Variants in CAPZB observed in about 807,000 individuals in gnomAD.
CAPZB encodes F-actin-capping protein subunit beta.
In CAPZB, 2 loss-of-function variants were observed where a neutral mutation model predicts 38.1. The observed-to-expected ratio is 0.05, with a 90% confidence interval of 0.02 to 0.17. The LOEUF (loss-of-function observed/expected upper bound fraction) is 0.17, where lower values mean the gene tolerates loss of function less well. Ranked by LOEUF, CAPZB falls within the 10% of genes least tolerant of loss-of-function variation. The pLI, the probability that CAPZB is intolerant of heterozygous loss-of-function variation, is 1.00. For missense variants in CAPZB, 161 were observed against 334.2 expected (o/e 0.48, Z 4.04); for synonymous variants, 107 against 127.4 (o/e 0.84, Z 1.08).
intron 1 of CAPZB, among the ~76,000 whole-genome samples, chr1:19,432,615 T>C (rs957863588): frequency 6.6e-6 from 1 of 152,256 alleles, no homozygotes; most frequent in African/African-American, 2.4e-5. Flanking sequence ...GGCCAGGCGC[T>C]GCACCCTGTG....
Position 19,445,843 on chromosome 1 carries a change from G to T in CAPZB, c.4-26093C>A, listed in dbSNP as rs147678129. On this transcript the variant is annotated intron_variant, in intron 1 of 8. Coordinates refer to ENST00000264202, the MANE Select transcript of CAPZB (RefSeq NM_004930.5). ...AACCGCACTGTACACTTAAAGCTGG[G>T]GAATCTTATATGTAAATCAGATCTC... Among the ~76,000 whole-genome samples, 24 of 152,218 alleles carry T rather than the reference G, an allele frequency of 1.6e-4. 1 individual carries two copies. Among genetic ancestry groups the T allele is most frequent in the African/African-American group, 5.5e-4 (23 of 41,526 alleles).
intron 4 of CAPZB, among the ~76,000 whole-genome samples, chr1:19,359,864 G>A (rs1055842446): frequency 6.6e-6 from 1 of 152,224 alleles, no homozygotes; most frequent in African/African-American, 2.4e-5. Context: ...GGCACTCAGA[G>A]ATCCCACTCC....
intron 1 of CAPZB, among the ~76,000 whole-genome samples, chr1:19,440,612 G>A (rs561890452): frequency 1.2e-4 from 18 of 152,188 alleles, no homozygotes; most frequent in African/African-American, 4.3e-4. Context: ...CCAGTGTGGG[G>A]GGAAGGGACT....
intron 4 of CAPZB, among the ~76,000 whole-genome samples, chr1:19,369,229 G>A (rs2094107392): frequency 6.6e-6 from 1 of 152,254 alleles, no homozygotes; most frequent in Non-Finnish European, 1.5e-5. Context: ...CCCCAGGACA[G>A]GGGGCAACAT....
intron 1 of CAPZB, among the ~76,000 whole-genome samples, chr1:19,446,685 C>G (rs1231981316): frequency 6.6e-6 from 1 of 152,134 alleles, no homozygotes; most frequent in Non-Finnish European, 1.5e-5. Context: ...CTGTGTAACC[C>G]TTACAATTGC....
At chr1:19,448,961 G>T (rs1314594748) in intron 1 of CAPZB, 1 of 1,610,708 alleles carries the variant, frequency 6.2e-7, no homozygotes, top group Non-Finnish European at 8.5e-7. Context: ...GGCAGGGGAG[G>T]CGAGGGGGCA....
At position 19,455,059 on chromosome 1, in the gene CAPZB, G is replaced by A. The variant is rs556959170; in HGVS notation, c.3+30377C>T. On this transcript the variant is annotated intron_variant, in intron 1 of 8. Transcript: ENST00000264202. ...CAAGCAGCCAGGATGCGGAGGGCCC[G>A]GAGGGCTTGGAACCCTGCAGGCAGC... Among the ~76,000 whole-genome samples, 24 of 152,358 alleles carry A rather than the reference G, an allele frequency of 1.6e-4. No homozygotes were observed. The East Asian group carries it at 3.1e-3, about 20-fold the overall frequency.
intron 1 of CAPZB, among the ~76,000 whole-genome samples, chr1:19,451,823 T>A (rs1355348742): frequency 6.6e-6 from 1 of 152,050 alleles, no homozygotes; most frequent in Admixed American, 6.6e-5. Flanking sequence ...CCGAACTAGG[T>A]TTGCCCCACC....
intron 1 of CAPZB, among the ~76,000 whole-genome samples, chr1:19,428,691 C>T (rs1352917446): frequency 3.9e-5 from 6 of 152,132 alleles, no homozygotes; most frequent in African/African-American, 1.4e-4. Flanking sequence ...CAGATAGAGG[C>T]AAAATCCGCA....
intron 2 of CAPZB, among the ~76,000 whole-genome samples, chr1:19,397,956 C>T (rs1045997182): frequency 1.3e-5 from 2 of 152,228 alleles, no homozygotes; most frequent in East Asian, 3.9e-4. Flanking sequence ...CCAACAGCAT[C>T]GGGGTCTGTG....
intron 1 of CAPZB, among the ~76,000 whole-genome samples, chr1:19,480,927 A>AGCT (rs2094626119): frequency 2.0e-5 from 3 of 152,242 alleles, no homozygotes; most frequent in African/African-American, 7.2e-5. Context: ...GACAGGGACT[A>AGCT]ACCATACACC....
intron 1 of CAPZB, among the ~76,000 whole-genome samples, chr1:19,460,061 T>A (rs2094545784): frequency 6.6e-6 from 1 of 152,118 alleles, no homozygotes. Context: ...GTTCTTGATC[T>A]AATAAGGAAC....
intron 1 of CAPZB, among the ~76,000 whole-genome samples, chr1:19,464,477 G>C (rs2094562708): frequency 6.6e-6 from 1 of 151,802 alleles, no homozygotes; most frequent in African/African-American, 2.4e-5. Context: ...ATTTCTAGTA[G>C]AGACGGGGTT....
chr1:19,420,380 C>G (rs1039741241), intron 1 of CAPZB, among the ~76,000 whole-genome samples: 58 of 152,200 alleles, frequency 3.8e-4, no homozygotes, highest in African/African-American at 1.3e-3. Flanking sequence ...ACTGGAAAGA[C>G]AACCATTACT....
At chr1:19,448,919 G>A in intron 1 of CAPZB, 1 of 1,612,926 alleles carries the variant, frequency 6.2e-7, no homozygotes, top group Non-Finnish European at 8.5e-7. Context: ...GGGCATTGGA[G>A]GAGGTGATGG....
At chr1:19,385,272 G>T (rs918669904) in intron 3 of CAPZB, among the ~76,000 whole-genome samples, 6 of 152,328 alleles carry the variant, frequency 3.9e-5, no homozygotes, top group Admixed American at 3.9e-4. Flanking sequence ...TATCTCTCAT[G>T]CTTGTGGGTG....
In CAPZB at chr1:19,351,818, A is replaced by G. The variant is rs117468957; in HGVS notation, c.588+4817T>C. Among the ~76,000 whole-genome samples, 1,451 of 152,190 alleles carry G rather than the reference A, an allele frequency of 9.5e-3. 52 individuals are homozygous for G. In the East Asian group the frequency reaches 0.13, roughly 14 times the overall value. ...GGCTCAGAAAACCTGAGCAGGGTCCATCCCTGCCTCAGCCGCCTCCTGCCA... is the reference window on the plus strand; with the variant it reads ...GGCTCAGAAAACCTGAGCAGGGTCCGTCCCTGCCTCAGCCGCCTCCTGCCA... On this transcript the variant is annotated intron_variant, in intron 6 of 8. Transcript: ENST00000264202.
Position 19,344,346 on chromosome 1 carries a change from C to T in CAPZB, c.731+12G>A. 1.9e-6 allele frequency: 3 copies of T among 1,605,046 alleles called. No individual in the cohort carries two copies. Among genetic ancestry groups the T allele is most frequent in the South Asian group, 1.1e-5 (1 of 90,902 alleles). On this transcript the variant is annotated intron_variant, in intron 8 of 8. Coordinates refer to ENST00000264202, the MANE Select transcript of CAPZB (RefSeq NM_004930.5). ...TGTCTGCTTCTAAAGCTTGTGCTTT[C>T]TGGTACATTACCTCAGCCCATTGAC... is the stretch of plus-strand genomic sequence containing the variant.
chr1:19,359,870 A>G (rs1048934706), intron 4 of CAPZB, among the ~76,000 whole-genome samples: 2 of 152,100 alleles, frequency 1.3e-5, no homozygotes, highest in African/African-American at 4.8e-5. Context: ...CAGAGATCCC[A>G]CTCCAGAAGA....
Sources: gnomAD v4.1 joint callset for allele counts (sites outside exome capture counted in the v4.1 genomes callset) on GRCh38, gnomAD v4.1.1 for gene constraint, MANE v1.5 for transcripts, NCBI Gene and HGNC (gene_info 2026-07-23, HGNC 2026-07-21) for gene names.